The following TPRG1 variants were observed in gnomAD, a reference collection of about 807,000 sequenced individuals.
TPRG1 encodes the protein tumor protein p63 regulated 1, also known as tumor protein p63-regulated gene 1 protein.
Under a neutral mutation model 29.3 loss-of-function variants are expected in TPRG1, and 29 were observed. That is an observed-to-expected ratio of 0.99 (90% CI 0.74 to 1.35). TPRG1 has a LOEUF of 1.35. TPRG1 is among the 40% of genes most tolerant of loss of function. The pLI is 0.00. For synonymous variants in TPRG1, 130 were observed against 116.8 expected, an observed-to-expected ratio of 1.11 and a Z score of -0.73; for missense variants, 327 against 335.0, an observed-to-expected ratio of 0.98 and a Z score of 0.19.
At chr3:189,071,728 C>T (rs1396707706) in intron 4 of TPRG1, among the ~76,000 whole-genome samples, 1 of 152,222 alleles carries the variant, frequency 6.6e-6, no homozygotes, top group Non-Finnish European at 1.5e-5. Flanking sequence ...GATGCACTTA[C>T]TGCCAACGAT....
At chr3:189,162,384 A>G (rs1560502789) in intron 5 of TPRG1, among the ~76,000 whole-genome samples, 1 of 152,200 alleles carries the variant, frequency 6.6e-6, no homozygotes, top group Non-Finnish European at 1.5e-5. Flanking sequence ...GAAGAATATG[A>G]TATGCACAAA....
At chr3:189,052,060 A>T (rs1002168282) in intron 4 of TPRG1, among the ~76,000 whole-genome samples, 1 of 152,248 alleles carries the variant, frequency 6.6e-6, no homozygotes, top group Non-Finnish European at 1.5e-5. Flanking sequence ...CCAAGAACCC[A>T]AAAGCAAATG....
chr3:189,219,255 C>A (rs1274734620), intron 3 of TPRG1, among the ~76,000 whole-genome samples: 1 of 152,022 alleles, frequency 6.6e-6, no homozygotes, highest in Non-Finnish European at 1.5e-5. Flanking sequence ...TCAGTAAAAT[C>A]AGAAAAATAA....
chr3:189,015,575 C>A (rs992374729), intron 3 of TPRG1, among the ~76,000 whole-genome samples: 2 of 152,190 alleles, frequency 1.3e-5, no homozygotes, highest in Non-Finnish European at 2.9e-5. Flanking sequence ...CCTCCCATCC[C>A]AGTCCTGGAG....
chr3:189,306,688 A>G (rs888117993), intron 4 of TPRG1, among the ~76,000 whole-genome samples: 1 of 152,252 alleles, frequency 6.6e-6, no homozygotes, highest in Non-Finnish European at 1.5e-5. Flanking sequence ...TATGGGTTAA[A>G]TAAAATAAAA....
intron 4 of TPRG1, among the ~76,000 whole-genome samples, chr3:189,092,590 C>T (rs952097307): frequency 1.3e-5 from 2 of 151,908 alleles, no homozygotes; most frequent in Admixed American, 6.6e-5. Flanking sequence ...GTCAGAGTTA[C>T]CTGTTGCTTA....
At chr3:189,106,324 C>T (rs1719821104) in intron 1 of TPRG1, among the ~76,000 whole-genome samples, 1 of 152,098 alleles carries the variant, frequency 6.6e-6, no homozygotes, top group Admixed American at 6.5e-5. Flanking sequence ...GCAACCCCAA[C>T]CCTCCAAATT....
At chr3:189,315,786 C>A in intron 5 of TPRG1, 1 of 187,292 alleles carries the variant, frequency 5.3e-6, no homozygotes. Flanking sequence ...TTCTGGATTA[C>A]CAAGAAGAAT....
chr3:189,202,965 G>A (rs546372133), intron 1 of TPRG1, among the ~76,000 whole-genome samples: 19 of 152,162 alleles, frequency 1.2e-4, no homozygotes, highest in Non-Finnish European at 1.6e-4. Context: ...AAAGAACAGC[G>A]AACTGGAGTC....
intron 4 of TPRG1, among the ~76,000 whole-genome samples, chr3:189,028,804 A>T (rs1035530840): frequency 6.6e-6 from 1 of 152,146 alleles, no homozygotes; most frequent in African/African-American, 2.4e-5. Context: ...AAATGGTAGT[A>T]ATGTATTTCT....
At chr3:188,999,220 T>G (rs1196648540) in intron 1 of TPRG1, among the ~76,000 whole-genome samples, 1 of 152,050 alleles carries the variant, frequency 6.6e-6, no homozygotes, top group Non-Finnish European at 1.5e-5. Flanking sequence ...TGGTTGAAGT[T>G]GGGACATATT....
intron 4 of TPRG1, among the ~76,000 whole-genome samples, chr3:189,084,938 C>A (rs950534918): frequency 6.6e-6 from 1 of 152,176 alleles, no homozygotes; most frequent in African/African-American, 2.4e-5. Context: ...ATAGTAGATG[C>A]TTGATAAAAC....
At chr3:189,173,458 G>T (rs1244621856) in intron 1 of TPRG1, among the ~76,000 whole-genome samples, 1 of 150,456 alleles carries the variant, frequency 6.6e-6, no homozygotes, top group Non-Finnish European at 1.5e-5. Flanking sequence ...TCCTGCCTCA[G>T]CCTCCTGAGT....
At chr3:189,219,498 CCTTT>C (rs1297629797) in intron 3 of TPRG1, 9 of 903,824 alleles carry the variant, frequency 1.0e-5, no homozygotes, top group African/African-American at 1.9e-5. Context: ...TTTCCTATTA[CCTTT>C]CTTATTGGCC....
chr3:189,304,939 C>G (rs1009399636), intron 4 of TPRG1, among the ~76,000 whole-genome samples: 9 of 152,154 alleles, frequency 5.9e-5, no homozygotes, highest in Non-Finnish European at 1.2e-4. Context: ...AGCACACGCC[C>G]TGCGTTTAGA....
chr3:189,245,636 T>C (rs189158682), intron 4 of TPRG1, among the ~76,000 whole-genome samples: 2 of 152,324 alleles, frequency 1.3e-5, no homozygotes, highest in East Asian at 1.9e-4. Flanking sequence ...GAATTTGTCA[T>C]GTACACTTGA....
chr3:189,232,933 A>C (rs1471071776), intron 3 of TPRG1, among the ~76,000 whole-genome samples: 3 of 152,196 alleles, frequency 2.0e-5, no homozygotes, highest in African/African-American at 7.2e-5. Flanking sequence ...TTTGTGTTTG[A>C]AGAGCAAAAC....
At chr3:189,243,650 A>G (rs796220115) in intron 4 of TPRG1, among the ~76,000 whole-genome samples, 2 of 152,098 alleles carry the variant, frequency 1.3e-5, no homozygotes, top group African/African-American at 4.8e-5. Context: ...GCTCATATGT[A>G]TGAGTATAGG....
At chr3:189,103,374 A>C (rs1719430629) in intron 1 of TPRG1, among the ~76,000 whole-genome samples, 1 of 152,162 alleles carries the variant, frequency 6.6e-6, no homozygotes. Context: ...ACTATTACAA[A>C]ATTCTTAGCC....
Sources: gnomAD v4.1 joint callset for allele counts (sites outside exome capture counted in the v4.1 genomes callset) on GRCh38, gnomAD v4.1.1 for gene constraint, MANE v1.5 for transcripts, NCBI Gene and HGNC (gene_info 2026-07-23, HGNC 2026-07-21) for gene names.